The following ACSL5 variants were observed in gnomAD, a reference collection of about 807,000 sequenced individuals.
ACSL5 encodes the protein long-chain-fatty-acid--CoA ligase 5.
Under a neutral mutation model 84.9 loss-of-function variants are expected in ACSL5, and 50 were observed. The ratio of observed to expected loss-of-function variants is 0.59; its 90% confidence interval spans 0.47 to 0.75. The LOEUF (loss-of-function observed/expected upper bound fraction) is 0.75. ACSL5 is among the 30% of genes least tolerant of loss of function. The probability of loss-of-function intolerance (pLI) is 0.00; values close to 1 mark genes in which losing one functional copy is unlikely to be tolerated. For missense variants in ACSL5, 775 were observed against 830.4 expected (o/e 0.93, Z 0.82); for synonymous variants, 280 against 300.7 (o/e 0.93, Z 0.71).
chr10:112,411,974 G>T lies in ACSL5; in HGVS notation c.943G>T (p.Val315Leu). The T allele has an allele frequency of 6.2e-7, 1 of 1,611,778 alleles. No individual in the cohort carries two copies. Among genetic ancestry groups the T allele is most frequent in the Non-Finnish European group, 8.5e-7 (1 of 1,177,820 alleles). ...TCTGGCTCATATGTTTGAGAGGATT[G>T]TACAGGTGAGTGTTCTGTGTTCCTA... ...LPLAHMFERI[V>L]QAVVYSCGAR... The change falls in exon 11 of 21, where the codon GTA becomes TTA. Residue 315 changes from valine (V) to leucine (L), a missense_variant. Coordinates refer to ENST00000354655, the MANE Select transcript of ACSL5 (RefSeq NM_203379.2).
intron 1 of ACSL5, among the ~76,000 whole-genome samples, chr10:112,379,041 T>C (rs1447969297): frequency 6.6e-6 from 1 of 152,078 alleles, no homozygotes; most frequent in East Asian, 1.9e-4. Context: ...GGATTTGAGG[T>C]CTGGGGTAAA....
At chr10:112,377,558 T>TA (rs1234550825) in intron 1 of ACSL5, among the ~76,000 whole-genome samples, 3 of 151,898 alleles carry the variant, frequency 2.0e-5, no homozygotes, top group African/African-American at 4.8e-5. Flanking sequence ...AACAAACAAA[T>TA]AAAAAAACAT....
At chr10:112,421,450 C>A in intron 14 of ACSL5, 143 bp from the exon 15 acceptor site, 1 of 682,030 alleles carries the variant, frequency 1.5e-6, no homozygotes, top group Non-Finnish European at 2.6e-6. Context: ...CATGAGCCAC[C>A]GCCCCCTCCA....
chr10:112,413,422 A>T (rs1844233570), intron 12 of ACSL5, 115 bp downstream of exon 12: 2 of 1,310,078 alleles, frequency 1.5e-6, no homozygotes, highest in African/African-American at 2.9e-5. Context: ...ATCTACGTAA[A>T]GCCGTGTGTA....
chr10:112,389,023 G>A (rs1041960208), intron 1 of ACSL5, among the ~76,000 whole-genome samples: 1 of 152,168 alleles, frequency 6.6e-6, no homozygotes, highest in Non-Finnish European at 1.5e-5. Context: ...AGCCAATAGG[G>A]ATAGTATGAA....
intron 7 of ACSL5, 113 bp downstream of exon 7, chr10:112,409,798 G>GTCTAATCTACTCCTCATGT: frequency 9.7e-7 from 1 of 1,034,990 alleles, no homozygotes; most frequent in Non-Finnish European, 1.5e-6. Context: ...TGGCACGTGA[G>GTCTAATCTACTCCTCATGT]GAGTAGATTA....
intron 1 of ACSL5, chr10:112,376,463 G>A (rs375227875): frequency 1.8e-5 from 29 of 1,613,838 alleles, no homozygotes; most frequent in Middle Eastern, 1.6e-4. Flanking sequence ...GGGGACCATC[G>A]AGGGGGTGTT....
At chr10:112,391,168 C>T (rs758350327) in intron 1 of ACSL5, among the ~76,000 whole-genome samples, 1 of 152,150 alleles carries the variant, frequency 6.6e-6, no homozygotes, top group African/African-American at 2.4e-5. Flanking sequence ...CACCTGAGGT[C>T]AGGAGTTTGA....
chr10:112,409,804 G>T (rs985039152), intron 7 of ACSL5, 119 bp downstream of exon 7: 5 of 952,026 alleles, frequency 5.3e-6, no homozygotes, highest in South Asian at 1.6e-5. Context: ...GTGAGGAGTA[G>T]ATTAGACTCA....
rs767611100 is a variant in ACSL5 at position 112,411,468 on chromosome 10, G to A, written c.809G>A (p.Gly270Glu). Residue 270 changes from glycine (G) to glutamate (E), a missense_variant, in exon 10 of 21, where the codon GGA becomes GAA. Coordinates refer to ENST00000354655, the MANE Select transcript of ACSL5 (RefSeq NM_203379.2). ...TTATTTCCTACAGGTGACCCCAAAG[G>A]AGCCATGATAACCCATCAAAATATT... Reference protein sequence around the residue: ...FTSGTTGDPKGAMITHQNIVS... With the variant: ...FTSGTTGDPKEAMITHQNIVS... 5.6e-6 allele frequency: 9 copies of A among 1,613,212 alleles called. No individual in the cohort carries two copies. The highest frequency in any genetic ancestry group is 7.6e-6 in the Non-Finnish European group (9 of 1,179,338).
chr10:112,389,044 C>G (rs924743713), intron 1 of ACSL5, among the ~76,000 whole-genome samples: 6 of 152,004 alleles, frequency 3.9e-5, no homozygotes, highest in Non-Finnish European at 4.4e-5. Context: ...AGATTCATAG[C>G]AATAAACATA....
intron 1 of ACSL5, among the ~76,000 whole-genome samples, chr10:112,392,487 A>C (rs969403495): frequency 1.3e-5 from 2 of 152,046 alleles, no homozygotes; most frequent in African/African-American, 2.4e-5. Context: ...CACACCTGTA[A>C]TCCCAGCATT....
At chr10:112,376,089 C>A in intron 1 of ACSL5, 3 of 537,888 alleles carry the variant, frequency 5.6e-6, no homozygotes, top group Non-Finnish European at 9.6e-6. Context: ...GCTTTTGTGT[C>A]GGCCCTTAGG....
At chr10:112,422,266 G>A in intron 16 of ACSL5, 59 bp from the exon 17 acceptor site, 1 of 1,439,950 alleles carries the variant, frequency 6.9e-7, no homozygotes, top group Non-Finnish European at 9.7e-7. Context: ...TTCATAAACT[G>A]CCCACGCTGG....
At chr10:112,380,463 G>A (rs1199929864) in intron 1 of ACSL5, among the ~76,000 whole-genome samples, 3 of 51,138 alleles carry the variant, frequency 5.9e-5, no homozygotes, top group Non-Finnish European at 8.6e-5. Flanking sequence ...GCCACCCCCC[G>A]CCCCCCAACC....
At chr10:112,403,369 C>A (rs888778450) in intron 3 of ACSL5, among the ~76,000 whole-genome samples, 7 of 152,248 alleles carry the variant, frequency 4.6e-5, no homozygotes, top group Non-Finnish European at 1.0e-4. Context: ...CTCATCGCAA[C>A]TTCCACCTCC....
At chr10:112,412,833 T>C (rs1374158363) in intron 11 of ACSL5, among the ~76,000 whole-genome samples, 2 of 152,208 alleles carry the variant, frequency 1.3e-5, no homozygotes, top group Non-Finnish European at 2.9e-5. Flanking sequence ...CATAATGAAT[T>C]GCGTCTTACA....
intron 20 of ACSL5, 62 bp from the exon 21 acceptor site, chr10:112,427,156 G>C (rs1051633771): frequency 2.0e-6 from 3 of 1,519,508 alleles, no homozygotes; most frequent in Non-Finnish European, 2.7e-6. Flanking sequence ...GAGCACTCAG[G>C]GGGCTCTGCA....
chr10:112,418,034 C>A, intron 14 of ACSL5, 93 bp downstream of exon 14: 2 of 1,031,412 alleles, frequency 1.9e-6, no homozygotes, highest in Non-Finnish European at 2.8e-6. Context: ...TAAAAGGTAC[C>A]AAAATGAAAG....
Sources: allele counts gnomAD v4.1 joint callset (sites outside exome capture counted in the v4.1 genomes callset), GRCh38; gene constraint gnomAD v4.1.1; transcripts MANE v1.5; gene names NCBI Gene and HGNC (gene_info 2026-07-23, HGNC 2026-07-21).